The following ILRUN variants were observed in gnomAD, a reference collection of about 807,000 sequenced individuals.
ILRUN encodes the protein protein ILRUN.
Under a neutral mutation model 33.8 loss-of-function variants are expected in ILRUN, and 3 were observed. That is an observed-to-expected ratio of 0.09 (90% confidence interval 0.04 to 0.23). The LOEUF (loss-of-function observed/expected upper bound fraction) is 0.23. Ranked by LOEUF, ILRUN falls within the 10% of genes least tolerant of loss-of-function variation. ILRUN has a pLI of 1.00. For synonymous variants in ILRUN, 124 were observed against 138.9 expected (o/e 0.89, Z 0.75); for missense variants, 210 against 375.1 (o/e 0.56, Z 3.64).
At chr6:34,612,704 C>T (rs1250277601) in intron 3 of ILRUN, among the ~76,000 whole-genome samples, 1 of 151,958 alleles carries the variant, frequency 6.6e-6, no homozygotes, top group Non-Finnish European at 1.5e-5. Context: ...GTCAGGAGTT[C>T]CAGATCAGCC....
intron 1 of ILRUN, among the ~76,000 whole-genome samples, chr6:34,679,107 A>T (rs1456673231): frequency 6.6e-6 from 1 of 150,988 alleles, no homozygotes; most frequent in Non-Finnish European, 1.5e-5. Context: ...CATATAACAA[A>T]CCTGCACGTG....
rs1253576213 is a variant in ILRUN at position 34,589,475 on chromosome 6, T to C, written c.*1090A>G. 6.6e-6 allele frequency: 1 copy of C among 152,234 alleles called. No individual in the cohort carries two copies. The highest frequency in any genetic ancestry group is 1.5e-5 in the Non-Finnish European group (1 of 68,048). The allele number at this position is 152,234 out of a possible 1,614,324, so 9.4% of individuals were successfully genotyped here. ...CATACCTCTACAGATCAGCCGCCAC[T>C]AACAGGCTGTGAAAATATCAGAGGA... On this transcript the variant is annotated 3_prime_UTR_variant, in exon 5 of 5. Transcript: ENST00000374023.
At position 34,662,119 on chromosome 6, in the gene ILRUN, C is replaced by T. The variant is rs1227764131; in HGVS notation, c.159-7340G>A. ...CAGACTGGGCGACAGAGCGAGACTC[C>T]GTCTCAAAAAAAAAAAAAAAAAAAA... On this transcript the variant is annotated intron_variant, in intron 1 of 4. Transcript: ENST00000374023. Among the ~76,000 whole-genome samples the T allele has an allele frequency of 3.5e-4, 31 of 89,396 alleles. No homozygotes were observed. The East Asian group carries it at 8.0e-3, about 23-fold the overall frequency. The allele number at this position is 89,396 out of a possible 152,430, so 58.6% of individuals were successfully genotyped here. A position where few individuals can be genotyped will look rare whatever the true frequency, so the allele number is the denominator to read the frequency against.
intron 3 of ILRUN, among the ~76,000 whole-genome samples, chr6:34,633,655 A>G (rs1263775931): frequency 6.6e-6 from 1 of 151,214 alleles, no homozygotes; most frequent in Non-Finnish European, 1.5e-5. Context: ...GTTTGAGACC[A>G]ACCTGGGAAA....
intron 3 of ILRUN, among the ~76,000 whole-genome samples, chr6:34,610,712 C>T (rs1761730602): frequency 6.6e-6 from 1 of 152,218 alleles, no homozygotes; most frequent in Non-Finnish European, 1.5e-5. Context: ...TGTAGTTTTA[C>T]TCCTCCTTGT....
chr6:34,627,019 G>T (rs553852051), intron 3 of ILRUN, among the ~76,000 whole-genome samples: 1 of 151,924 alleles, frequency 6.6e-6, no homozygotes, highest in South Asian at 2.1e-4. Context: ...AAAAAAAATG[G>T]TATTCAGAAT....
intron 1 of ILRUN, among the ~76,000 whole-genome samples, chr6:34,673,423 G>A (rs924449563): frequency 2.0e-5 from 3 of 152,092 alleles, no homozygotes; most frequent in Non-Finnish European, 4.4e-5. Context: ...TTAGTAAGGA[G>A]TTTGAGGATA....
chr6:34,617,092 A>G lies in ILRUN; in HGVS notation c.512-10188T>C, dbSNP rs374688535. On this transcript the variant is annotated intron_variant, in intron 3 of 4. Transcript: ENST00000374023. ...CCTGCATGGAGGATCTGATCATGAG[A>G]TCTATACTGTTGGAAAATGCTTCAA... is the stretch of plus-strand genomic sequence containing the variant. The G allele has an allele frequency of 3.0e-4, 159 of 534,376 alleles. 1 individual carries two copies. Among genetic ancestry groups the G allele is most frequent in the African/African-American group, 2.9e-3 (151 of 52,400 alleles). 33.1% of individuals were successfully genotyped at this position (534,376 alleles called of 1,614,324 possible).
At position 34,591,222 on chromosome 6, in the gene ILRUN, G is replaced by A. The variant is rs1761286282; in HGVS notation, c.862-622C>T. 2.0e-5 allele frequency among the ~76,000 whole-genome samples: 3 copies of A among 152,152 alleles called. No homozygotes were observed. The South Asian group carries it at 6.2e-4, about 31-fold the overall frequency. On this transcript the variant is annotated intron_variant, in intron 4 of 4. Transcript: ENST00000374023. ...GTCACCTGGTTAGGCCAAGTGTGGTGGCTCACGCCTGTAATCCCAGGACCC... is the reference window on the plus strand; with the variant it reads ...GTCACCTGGTTAGGCCAAGTGTGGTAGCTCACGCCTGTAATCCCAGGACCC...
intron 1 of ILRUN, among the ~76,000 whole-genome samples, chr6:34,657,856 T>C (rs1199752852): frequency 6.6e-6 from 1 of 152,220 alleles, no homozygotes; most frequent in Non-Finnish European, 1.5e-5. Flanking sequence ...CAACAAGTAA[T>C]TCTTCATGAA....
At chr6:34,610,445 C>T (rs1278114396) in intron 3 of ILRUN, among the ~76,000 whole-genome samples, 1 of 152,152 alleles carries the variant, frequency 6.6e-6, no homozygotes, top group Non-Finnish European at 1.5e-5. Flanking sequence ...GACAGCATTC[C>T]TTCACTCTAC....
At chr6:34,654,389 C>A (rs889865720) in intron 2 of ILRUN, among the ~76,000 whole-genome samples, 1 of 152,112 alleles carries the variant, frequency 6.6e-6, no homozygotes, top group African/African-American at 2.4e-5. Flanking sequence ...TGTTTAGATG[C>A]CATTAAGTTA....
At chr6:34,684,376 G>A (rs986474558) in intron 1 of ILRUN, among the ~76,000 whole-genome samples, 2 of 152,140 alleles carry the variant, frequency 1.3e-5, no homozygotes, top group Non-Finnish European at 2.9e-5. Flanking sequence ...GAAACACAAT[G>A]GCAATGATCT....
rs1761251073 is a variant in ILRUN, at chr6:34,589,248, T to G, written c.*1317A>C. On this transcript the variant is annotated 3_prime_UTR_variant, in exon 5 of 5. Transcript: ENST00000374023. Reference sequence around the variant, plus strand: ...CTACAGGATGCCAGGGCAGGCCACCTGCCTGAGTGAGCAGCCAGTCAATCA... The same window carrying G: ...CTACAGGATGCCAGGGCAGGCCACCGGCCTGAGTGAGCAGCCAGTCAATCA... 6.6e-6 allele frequency: 1 copy of G among 152,426 alleles called. No individual in the cohort carries two copies. 9.4% of individuals were successfully genotyped at this position (152,426 alleles called of 1,614,324 possible).
intron 1 of ILRUN, among the ~76,000 whole-genome samples, chr6:34,692,196 T>C (rs1763663064): frequency 1.3e-5 from 2 of 152,176 alleles, no homozygotes; most frequent in Admixed American, 1.3e-4. Context: ...ACTCCTGGGT[T>C]CAAGCAATCC....
intron 1 of ILRUN, among the ~76,000 whole-genome samples, chr6:34,674,813 C>T (rs568178846): frequency 6.6e-6 from 1 of 152,178 alleles, no homozygotes; most frequent in African/African-American, 2.4e-5. Flanking sequence ...GTAATCCCAG[C>T]ACTTTGGGAG....
intron 3 of ILRUN, among the ~76,000 whole-genome samples, chr6:34,628,783 A>G (rs1311624692): frequency 6.6e-6 from 1 of 151,882 alleles, no homozygotes; most frequent in African/African-American, 2.4e-5. Context: ...GGAGTTAGGA[A>G]GTATTCCATT....
At chr6:34,591,316 A>T (rs946688336) in intron 4 of ILRUN, among the ~76,000 whole-genome samples, 1 of 152,056 alleles carries the variant, frequency 6.6e-6, no homozygotes. Context: ...CATAGTCAGA[A>T]CCCACCCCTA....
intron 1 of ILRUN, among the ~76,000 whole-genome samples, chr6:34,669,215 C>T (rs1166884234): frequency 3.3e-5 from 5 of 151,912 alleles, no homozygotes; most frequent in Non-Finnish European, 5.9e-5. Flanking sequence ...CCTCAACTTC[C>T]TGGGCTCGAG....
Sources: allele counts gnomAD v4.1 joint callset (sites outside exome capture counted in the v4.1 genomes callset), GRCh38; gene constraint gnomAD v4.1.1; transcripts MANE v1.5; gene names NCBI Gene and HGNC (gene_info 2026-07-23, HGNC 2026-07-21).